The following ANKRD30B variants were observed in gnomAD, a reference collection of about 807,000 sequenced individuals.
ANKRD30B encodes ankyrin repeat domain 30B, also known as ankyrin repeat domain-containing protein 30B.
In ANKRD30B, 144 loss-of-function variants were observed where a neutral mutation model predicts 202.2. That is an observed-to-expected ratio of 0.71 (90% CI 0.62 to 0.82). The LOEUF (loss-of-function observed/expected upper bound fraction) is 0.82. ANKRD30B is among the 40% of genes least tolerant of loss of function. The pLI, the probability that ANKRD30B is intolerant of heterozygous loss-of-function variation, is 0.00. For synonymous variants in ANKRD30B, 508 were observed against 561.3 expected (o/e 0.91, Z 1.34); for missense variants, 1,487 against 1,669.1 (o/e 0.89, Z 1.90).
In ANKRD30B at chr18:14,796,349, T is replaced by A. The variant is rs769329063; in HGVS notation, c.1861T>A (p.Cys621Ser). The change falls in exon 18 of 44, where the codon TGT becomes AGT. Residue 621 changes from cysteine (C) to serine (S), a missense_variant. Cys to Ser is a moderately radical substitution (Grantham distance 112). Around this residue, in one of 6 missense-constraint regions of ANKRD30B, gnomAD observed 889 missense variants for 841.4 expected, o/e 1.06. Transcript: ENST00000690538. Reference protein sequence around the residue: ...PVKDGLLKPTCGRKVSLPNKA... With the variant: ...PVKDGLLKPTSGRKVSLPNKA... ...TGTTTCCAAACCCATTTAGCCTACCTGTGGAAGGAAAGTTTCTCTTCCAAA... is the reference window on the plus strand; with the variant it reads ...TGTTTCCAAACCCATTTAGCCTACCAGTGGAAGGAAAGTTTCTCTTCCAAA... 4 of 1,588,918 alleles carry A rather than the reference T, an allele frequency of 2.5e-6. No individual in the cohort carries two copies. In the South Asian group the frequency reaches 3.4e-5, roughly 13 times the overall value.
the ANKRD30B span, among the ~76,000 whole-genome samples, chr18:14,876,943 ATT>A: frequency 1.1e-3 from 1 of 898 alleles, no homozygotes; most frequent in Non-Finnish European, 0.024. Context: ...AATTCAGTGC[ATT>A]CTATTCTCAA....
At chr18:14,810,256 C>T (rs1969837183) in intron 28 of ANKRD30B, 76 bp downstream of exon 28, 8 of 947,330 alleles carry the variant, frequency 8.4e-6, no homozygotes, top group South Asian at 3.7e-5. Context: ...CCTTTTATTC[C>T]CAAAGTTGTT....
At chr18:14,774,408 A>G (rs956960481) in intron 9 of ANKRD30B, among the ~76,000 whole-genome samples, 6 of 152,146 alleles carry the variant, frequency 3.9e-5, no homozygotes, top group African/African-American at 1.4e-4. Flanking sequence ...CTCACAGAAT[A>G]CATTTCTTCA....
the ANKRD30B span, among the ~76,000 whole-genome samples, chr18:14,865,951 GACT>G: frequency 6.6e-6 from 1 of 152,038 alleles, no homozygotes; most frequent in African/African-American, 2.4e-5. Context: ...GCCTTTCCTG[GACT>G]ACACGTTCCA....
At chr18:14,921,754 G>A in the ANKRD30B span, among the ~76,000 whole-genome samples, 1 of 152,116 alleles carries the variant, frequency 6.6e-6, no homozygotes, top group Non-Finnish European at 1.5e-5. Context: ...TTCAGAGATG[G>A]GCAGGGTGTC....
intron 11 of ANKRD30B, among the ~76,000 whole-genome samples, chr18:14,781,787 T>C (rs1435112957): frequency 6.6e-6 from 1 of 152,192 alleles, no homozygotes; most frequent in African/African-American, 2.4e-5. Context: ...CAGTTGCCAC[T>C]ATGGCCCTGA....
chr18:14,793,400 A>G (rs936854806), intron 16 of ANKRD30B, among the ~76,000 whole-genome samples: 14 of 152,146 alleles, frequency 9.2e-5, no homozygotes, highest in African/African-American at 3.4e-4. Context: ...GTAGCATTCT[A>G]TGTTCAGCTT....
chr18:14,796,657 T>C (rs1181945064), intron 18 of ANKRD30B, among the ~76,000 whole-genome samples: 1 of 152,128 alleles, frequency 6.6e-6, no homozygotes, highest in Non-Finnish European at 1.5e-5. Context: ...TGCAATACAA[T>C]GGGGCCTTGT....
intron 10 of ANKRD30B, among the ~76,000 whole-genome samples, chr18:14,778,505 G>A (rs1185800350): frequency 6.6e-6 from 1 of 152,198 alleles, no homozygotes; most frequent in Non-Finnish European, 1.5e-5. Flanking sequence ...CAGCAAACAT[G>A]TTTTCACTCT....
chr18:14,840,312 C>A (rs1971362501), intron 36 of ANKRD30B, among the ~76,000 whole-genome samples: 1 of 152,062 alleles, frequency 6.6e-6, no homozygotes, highest in Admixed American at 6.6e-5. Context: ...GCGAGGTGGG[C>A]AGATCACTTG....
At chr18:14,925,008 G>C in the ANKRD30B span, among the ~76,000 whole-genome samples, 1 of 152,208 alleles carries the variant, frequency 6.6e-6, no homozygotes, top group African/African-American at 2.4e-5. Flanking sequence ...GCACTGAATG[G>C]GGCAGAATTT....
At chr18:14,819,953 C>A (rs28785500) in intron 30 of ANKRD30B, among the ~76,000 whole-genome samples, 26 of 152,004 alleles carry the variant, frequency 1.7e-4, no homozygotes, top group Admixed American at 1.6e-3. Flanking sequence ...TAACCTTGGG[C>A]AGTATGGCCA....
At chr18:14,754,320 G>C (rs568968689) in intron 3 of ANKRD30B, among the ~76,000 whole-genome samples, 58 of 152,232 alleles carry the variant, frequency 3.8e-4, no homozygotes, top group African/African-American at 1.1e-3. Context: ...ATTCTAATTT[G>C]TCAAATGTTA....
At chr18:14,822,775 A>T (rs2144120909) in intron 32 of ANKRD30B, 98 bp downstream of exon 32, 1 of 1,372,084 alleles carries the variant, frequency 7.3e-7, no homozygotes, top group East Asian at 2.7e-5. Context: ...TTCTTTTCAA[A>T]ATTGGATGGG....
At chr18:14,932,028 C>G in the ANKRD30B span, among the ~76,000 whole-genome samples, 2 of 118,574 alleles carry the variant, frequency 1.7e-5, no homozygotes, top group South Asian at 3.1e-4. Context: ...CTGTCCCAGG[C>G]GCCCCACCCC....
intron 4 of ANKRD30B, among the ~76,000 whole-genome samples, chr18:14,755,597 C>A (rs1468138654): frequency 6.6e-6 from 1 of 152,056 alleles, no homozygotes; most frequent in Non-Finnish European, 1.5e-5. Context: ...TGTTCCCCTT[C>A]CTGTGTCCAT....
At chr18:14,839,399 T>G (rs1204567215) in intron 36 of ANKRD30B, among the ~76,000 whole-genome samples, 2 of 152,184 alleles carry the variant, frequency 1.3e-5, no homozygotes, top group African/African-American at 4.8e-5. Flanking sequence ...GAAGACATTC[T>G]GAACAGAGAG....
At chr18:14,915,274 A>G in the ANKRD30B span, among the ~76,000 whole-genome samples, 1 of 152,168 alleles carries the variant, frequency 6.6e-6, no homozygotes, top group South Asian at 2.1e-4. Context: ...AGGTCACTAG[A>G]CTATCCTACC....
chr18:14,750,447 C>T (rs1207838991), intron 1 of ANKRD30B, among the ~76,000 whole-genome samples: 1 of 152,066 alleles, frequency 6.6e-6, no homozygotes, highest in African/African-American at 2.4e-5. Context: ...TTTCTATCCA[C>T]AAAGTTTGTG....
Sources: allele counts gnomAD v4.1 joint callset (sites outside exome capture counted in the v4.1 genomes callset), GRCh38; gene constraint gnomAD v4.1.1; regional missense constraint gnomAD v4.1.1; transcripts MANE v1.5; gene names NCBI Gene and HGNC (gene_info 2026-07-23, HGNC 2026-07-21).